The following TXNRD1 variants were observed in gnomAD, a reference collection of about 807,000 sequenced individuals.
TXNRD1 encodes the protein thioredoxin reductase 1, cytoplasmic.
Under a neutral mutation model 80.3 loss-of-function variants are expected in TXNRD1, and 57 were observed. That is an observed-to-expected ratio of 0.71 (90% CI 0.57 to 0.89). The LOEUF (loss-of-function observed/expected upper bound fraction) is 0.89. Among genes scored for constraint, TXNRD1 ranks in the 40% least tolerant of loss-of-function variants. The pLI, the probability that TXNRD1 is intolerant of heterozygous loss-of-function variation, is 0.00. For missense variants in TXNRD1, 730 were observed against 803.0 expected (o/e 0.91, Z 1.10); for synonymous variants, 291 against 285.2 (o/e 1.02, Z -0.20).
At chr12:104,318,468 T>A (rs1316402398) in intron 7 of TXNRD1, among the ~76,000 whole-genome samples, 6 of 152,220 alleles carry the variant, frequency 3.9e-5, no homozygotes, top group Admixed American at 3.9e-4. Flanking sequence ...TAAAGCTTTA[T>A]TTACAAAAAG....
intron 4 of TXNRD1, among the ~76,000 whole-genome samples, chr12:104,294,224 C>T (rs1181006907): frequency 2.1e-5 from 1 of 46,806 alleles, no homozygotes; most frequent in African/African-American, 8.7e-5. Context: ...TAAACTCCCC[C>T]GGGGAAAGGC....
intron 3 of TXNRD1, among the ~76,000 whole-genome samples, chr12:104,269,557 A>G (rs1276033537): frequency 1.3e-5 from 2 of 150,696 alleles, no homozygotes; most frequent in African/African-American, 4.9e-5. Flanking sequence ...ATGCTACCAC[A>G]CCTAGCTAAT....
At chr12:104,253,959 C>T (rs1462356360) in intron 2 of TXNRD1, among the ~76,000 whole-genome samples, 2 of 152,204 alleles carry the variant, frequency 1.3e-5, no homozygotes, top group Non-Finnish European at 2.9e-5. Flanking sequence ...TCCAAAAGTG[C>T]TGGGATTATA....
intron 3 of TXNRD1, among the ~76,000 whole-genome samples, chr12:104,267,357 A>C (rs2033526993): frequency 6.8e-6 from 1 of 148,060 alleles, no homozygotes; most frequent in Non-Finnish European, 1.5e-5. Context: ...GGCTCACTGC[A>C]GCCTTGAACT....
intron 1 of TXNRD1, among the ~76,000 whole-genome samples, chr12:104,247,652 G>GT (rs1170833078): frequency 1.3e-5 from 2 of 151,844 alleles, no homozygotes; most frequent in African/African-American, 2.4e-5. Flanking sequence ...TTGTTTGTTT[G>GT]TTTTTTTGGT....
chr12:104,253,586 C>A (rs1167526149), intron 2 of TXNRD1, among the ~76,000 whole-genome samples: 2 of 152,120 alleles, frequency 1.3e-5, no homozygotes, highest in Non-Finnish European at 2.9e-5. Context: ...TGTAGCTCTG[C>A]AATTCTTATC....
intron 15 of TXNRD1, among the ~76,000 whole-genome samples, chr12:104,338,510 C>T (rs1164849037): frequency 1.3e-5 from 2 of 151,332 alleles, no homozygotes; most frequent in East Asian, 4.0e-4. Context: ...GCCTGGCCAA[C>T]ATGGCGAAAC....
chr12:104,223,500 C>A (rs752902754), intron 1 of TXNRD1, among the ~76,000 whole-genome samples: 13 of 152,110 alleles, frequency 8.5e-5, no homozygotes, highest in Non-Finnish European at 1.8e-4. Context: ...CAAACAGCTC[C>A]CCACTCCCAA....
At chr12:104,314,133 G>A (rs375233121) in intron 6 of TXNRD1, among the ~76,000 whole-genome samples, 1 of 152,162 alleles carries the variant, frequency 6.6e-6, no homozygotes, top group Non-Finnish European at 1.5e-5. Flanking sequence ...AGGTGGTAGT[G>A]TGAGATGAGA....
intron 3 of TXNRD1, among the ~76,000 whole-genome samples, chr12:104,268,588 G>A (rs552840163): frequency 3.6e-4 from 55 of 151,798 alleles, no homozygotes; most frequent in Non-Finnish European, 6.0e-4. Flanking sequence ...GCACGATCTC[G>A]GCTCACTGCA....
chr12:104,236,471 A>C (rs1422149555), intron 1 of TXNRD1, among the ~76,000 whole-genome samples: 2 of 152,162 alleles, frequency 1.3e-5, no homozygotes, highest in African/African-American at 2.4e-5. Context: ...AAGGGATTTT[A>C]AAGGATTTTC....
chr12:104,238,806 A>AT (rs907635178), intron 1 of TXNRD1, among the ~76,000 whole-genome samples: 4 of 150,994 alleles, frequency 2.6e-5, no homozygotes, highest in Non-Finnish European at 5.9e-5. Context: ...TTTGTGGATA[A>AT]TTTTTTTTGT....
At chr12:104,294,314 C>A (rs535563669) in intron 4 of TXNRD1, among the ~76,000 whole-genome samples, 1 of 150,244 alleles carries the variant, frequency 6.7e-6, no homozygotes, top group Admixed American at 6.7e-5. Context: ...TGCTGGACCA[C>A]GATCCTCTTG....
chr12:104,253,811 G>A (rs764960165), intron 2 of TXNRD1, among the ~76,000 whole-genome samples: 108 of 152,100 alleles, frequency 7.1e-4, no homozygotes, highest in Non-Finnish European at 1.2e-4. Context: ...TCCTGCCTCA[G>A]CCTCCCAAGT....
chr12:104,313,942 T>A (rs913453198), intron 6 of TXNRD1, among the ~76,000 whole-genome samples: 3 of 152,164 alleles, frequency 2.0e-5, no homozygotes, highest in African/African-American at 7.2e-5. Flanking sequence ...TCGAGAAGAT[T>A]ATCAAGGAAG....
Position 104,264,288 on chromosome 12 carries a change from G to C in TXNRD1, c.304+6209G>C, listed in dbSNP as rs141405584. Among the ~76,000 whole-genome samples, 26 of 152,300 alleles carry C rather than the reference G, an allele frequency of 1.7e-4. No homozygotes were observed. In the East Asian group the frequency reaches 4.6e-3, roughly 27 times the overall value. Reference sequence around the variant, plus strand: ...AGGATCACGGGTGGACAAAGGTAGTGGGTAAGACATTTAAAGCTGTAAACA... The same window carrying C: ...AGGATCACGGGTGGACAAAGGTAGTCGGTAAGACATTTAAAGCTGTAAACA... On this transcript the variant is annotated intron_variant, in intron 3 of 16. Coordinates refer to ENST00000525566, the MANE Select transcript of TXNRD1 (RefSeq NM_001093771.3).
intron 3 of TXNRD1, among the ~76,000 whole-genome samples, chr12:104,267,329 G>C (rs907240236): frequency 9.8e-6 from 1 of 101,998 alleles, no homozygotes; most frequent in East Asian, 3.5e-4. Context: ...CCAGGCTATA[G>C]TGCAGTGGTA....
intron 16 of TXNRD1, 128 bp downstream of exon 16, chr12:104,339,401 C>T (rs1401667654): frequency 1.5e-6 from 2 of 1,340,580 alleles, no homozygotes; most frequent in African/African-American, 1.4e-5. Flanking sequence ...AGGGCTTTGT[C>T]TCTAAAAATT....
chr12:104,313,358 A>T (rs767787658), intron 6 of TXNRD1, 41 bp downstream of exon 6: 2 of 1,472,962 alleles, frequency 1.4e-6, no homozygotes, highest in Non-Finnish European at 1.8e-6. Flanking sequence ...TTGCCGAAGT[A>T]GTTTTCCCCT....
Sources: allele counts gnomAD v4.1 joint callset (sites outside exome capture counted in the v4.1 genomes callset), GRCh38; gene constraint gnomAD v4.1.1; transcripts MANE v1.5; gene names NCBI Gene and HGNC (gene_info 2026-07-23, HGNC 2026-07-21).